Variants in ATP8A1 observed in about 807,000 individuals in gnomAD.
ATP8A1 encodes ATPase phospholipid transporting 8A1.
A neutral mutation model predicts 177.7 loss-of-function variants in ATP8A1; 90 were observed. That is an observed-to-expected ratio of 0.51 (90% CI 0.43 to 0.60). The LOEUF (loss-of-function observed/expected upper bound fraction) is 0.60. Ranked by LOEUF, ATP8A1 falls within the 20% of genes least tolerant of loss-of-function variation. ATP8A1 has a pLI of 0.00. For synonymous variants in ATP8A1, 493 were observed against 485.9 expected (o/e 1.01, Z -0.19); for missense variants, 1,072 against 1,392.8 (o/e 0.77, Z 3.67).
At chr4:42,537,999 C>T (rs1347322363) in intron 20 of ATP8A1, among the ~76,000 whole-genome samples, 2 of 152,030 alleles carry the variant, frequency 1.3e-5, no homozygotes, top group East Asian at 3.8e-4. Context: ...CATAACCTGA[C>T]CTCAAACTAT....
intron 1 of ATP8A1, 54 bp downstream of exon 1, chr4:42,656,771 A>ACAG: frequency 6.7e-7 from 1 of 1,502,144 alleles, no homozygotes; most frequent in Non-Finnish European, 9.0e-7. Context: ...ACACGCTCAC[A>ACAG]CACACACTCG....
intron 6 of ATP8A1, 28 bp downstream of exon 6, chr4:42,600,450 C>G (rs2109397491): frequency 6.3e-7 from 1 of 1,592,336 alleles, no homozygotes; most frequent in Non-Finnish European, 8.5e-7. Context: ...ATTTCTTCTC[C>G]TGGAACAAAA....
intron 27 of ATP8A1, chr4:42,459,533 C>A (rs554374288): frequency 1.7e-5 from 6 of 349,354 alleles, no homozygotes; most frequent in Non-Finnish European, 2.9e-5. Context: ...TGTCAGTGTT[C>A]TGGAATGAGA....
chr4:42,542,038 G>A (rs1340165823), intron 20 of ATP8A1, among the ~76,000 whole-genome samples: 2 of 152,130 alleles, frequency 1.3e-5, no homozygotes, highest in East Asian at 3.8e-4. Context: ...GAGTGATAAT[G>A]ATGTGTCAGT....
At chr4:42,461,421 T>C (rs1489299805) in intron 27 of ATP8A1, among the ~76,000 whole-genome samples, 2 of 151,998 alleles carry the variant, frequency 1.3e-5, no homozygotes, top group Non-Finnish European at 2.9e-5. Context: ...GCTGTTCTTG[T>C]GATAGTGAAT....
rs1375156994 is a variant in ATP8A1, at chr4:42,586,383, C to A, written c.688G>T (p.Asp230Tyr). The part of the protein sequence containing the change: ...ECESPNRHLY[D>Y]FVGNIRLDGH... ...TCAAGCCTTATGTTTCCAACAAAAT[C>A]GTAGAGATGTCTGTTTGGACTTTCA... Residue 230 changes from aspartate to tyrosine, a missense_variant, in exon 9 of 37, where the codon GAT becomes TAT. Physicochemically the swap from Asp to Tyr is radical, Grantham distance 160. Transcript: ENST00000381668. 1.2e-6 allele frequency: 2 copies of A among 1,614,054 alleles called. No individual in the cohort carries two copies. Among genetic ancestry groups the A allele is most frequent in the Non-Finnish European group, 1.7e-6 (2 of 1,179,992 alleles).
intron 24 of ATP8A1, 45 bp downstream of exon 24, chr4:42,503,405 G>T: frequency 8.9e-7 from 1 of 1,118,094 alleles, no homozygotes; most frequent in Non-Finnish European, 1.3e-6. Context: ...ACTATAGCAT[G>T]AATATATTAT....
chr4:42,551,122 T>G (rs991364011), intron 18 of ATP8A1, 76 bp downstream of exon 18: 3 of 1,221,430 alleles, frequency 2.5e-6, no homozygotes, highest in Non-Finnish European at 3.6e-6. Context: ...TATGAGCCTT[T>G]TGGTATTACT....
intron 6 of ATP8A1, among the ~76,000 whole-genome samples, chr4:42,595,547 G>T (rs774865226): frequency 6.6e-6 from 1 of 152,074 alleles, no homozygotes; most frequent in Non-Finnish European, 1.5e-5. Context: ...GGGCAAAGAG[G>T]AAAAATTAAA....
intron 14 of ATP8A1, among the ~76,000 whole-genome samples, chr4:42,574,416 C>T (rs1453056778): frequency 6.6e-6 from 1 of 152,040 alleles, no homozygotes; most frequent in African/African-American, 2.4e-5. Context: ...GGCAGAGCAC[C>T]CACCTCATGT....
At position 42,600,925 on chromosome 4, in the gene ATP8A1, T is replaced by C. The variant is rs116133240; in HGVS notation, c.410-407A>G. The stretch of plus-strand genomic sequence containing the variant: ...ACAGAATAATAGATTTCTAATAGTT[T>C]AGTAAAAATTTAACACATAAAGCCA... On this transcript the variant is annotated intron_variant, in intron 5 of 36. Transcript: ENST00000381668. Among the ~76,000 whole-genome samples the C allele has an allele frequency of 5.3e-3, 812 of 152,116 alleles. 12 individuals carry two copies. The highest frequency in any genetic ancestry group is 0.018 in the African/African-American group (757 of 41,494).
intron 15 of ATP8A1, chr4:42,561,722 C>G (rs954664286): frequency 6.6e-6 from 1 of 152,214 alleles, no homozygotes; most frequent in Non-Finnish European, 1.5e-5. Flanking sequence ...GTCACTGGCT[C>G]TTTGACTTAG....
chr4:42,438,941 T>C lies in ATP8A1; in HGVS notation c.3123+4624A>G, dbSNP rs115624661. Among the ~76,000 whole-genome samples the C allele has an allele frequency of 7.2e-5, 11 of 152,268 alleles. 1 individual carries two copies. Among genetic ancestry groups the C allele is most frequent in the African/African-American group, 2.6e-4 (11 of 41,548 alleles). The stretch of plus-strand genomic sequence containing the variant: ...GAACTCAGTAGGTACACAATAAATG[T>C]TGGTTCCCTTCCCTCCCCAACTTAG... On this transcript the variant is annotated intron_variant, in intron 33 of 36. Coordinates refer to ENST00000381668, the MANE Select transcript of ATP8A1 (RefSeq NM_006095.2).
chr4:42,637,101 T>C (rs1317271990), intron 1 of ATP8A1: 2 of 517,690 alleles, frequency 3.9e-6, no homozygotes, highest in Non-Finnish European at 7.7e-6. Context: ...CTACCCAGAC[T>C]GGCTAGCCTT....
intron 1 of ATP8A1, among the ~76,000 whole-genome samples, chr4:42,636,074 C>T (rs1003639770): frequency 2.7e-4 from 35 of 127,538 alleles, no homozygotes; most frequent in African/African-American, 8.9e-4. Flanking sequence ...TCCCCTAAGA[C>T]TATGGGGGAA....
chr4:42,446,904 A>G (rs1356745682), intron 30 of ATP8A1, among the ~76,000 whole-genome samples: 1 of 152,208 alleles, frequency 6.6e-6, no homozygotes, highest in Admixed American at 6.5e-5. Flanking sequence ...TTAAAAAAAA[A>G]AAATCCAACA....
intron 22 of ATP8A1, among the ~76,000 whole-genome samples, chr4:42,518,561 A>T (rs1725800496): frequency 6.6e-6 from 1 of 152,138 alleles, no homozygotes; most frequent in Admixed American, 6.5e-5. Flanking sequence ...TGCTTTCGTC[A>T]ATTATATATA....
chr4:42,647,717 A>T (rs1008093073), intron 1 of ATP8A1, among the ~76,000 whole-genome samples: 33 of 152,074 alleles, frequency 2.2e-4, no homozygotes, highest in Admixed American at 2.2e-3. Context: ...TTGTAAGTAG[A>T]TTCCATGGAA....
intron 27 of ATP8A1, among the ~76,000 whole-genome samples, chr4:42,462,563 G>A (rs1719288876): frequency 1.3e-5 from 2 of 152,264 alleles, no homozygotes; most frequent in Non-Finnish European, 2.9e-5. Context: ...GGAAATGCCT[G>A]GATGCCCAGG....
Sources: allele counts gnomAD v4.1 joint callset (sites outside exome capture counted in the v4.1 genomes callset), GRCh38; gene constraint gnomAD v4.1.1; transcripts MANE v1.5; gene names NCBI Gene and HGNC (gene_info 2026-07-23, HGNC 2026-07-21).